SYTL2: variants seen among roughly 807,000 people sequenced by gnomAD.
The protein encoded by SYTL2 is synaptotagmin-like protein 2.
Under a neutral mutation model 198.7 loss-of-function variants are expected in SYTL2, and 165 were observed. The ratio of observed to expected loss-of-function variants is 0.83; its 90% CI spans 0.73 to 0.94. The LOEUF (loss-of-function observed/expected upper bound fraction) is 0.94, where lower values mean the gene tolerates loss of function less well. Among genes scored for constraint, SYTL2 ranks in the 40% least tolerant of loss-of-function variants. SYTL2 has a pLI of 0.00. For missense variants in SYTL2, 2,835 were observed against 2,582.8 expected (o/e 1.10, Z -2.12); for synonymous variants, 966 against 917.7 (o/e 1.05, Z -0.95).
At chr11:85,775,633 C>T (rs1278785380) in intron 1 of SYTL2, among the ~76,000 whole-genome samples, 2 of 152,120 alleles carry the variant, frequency 1.3e-5, no homozygotes, top group African/African-American at 4.8e-5. Context: ...CATGCATGTG[C>T]GACCACGCCT....
At chr11:85,764,386 C>A (rs1268342363) in intron 1 of SYTL2, among the ~76,000 whole-genome samples, 1 of 152,144 alleles carries the variant, frequency 6.6e-6, no homozygotes, top group Non-Finnish European at 1.5e-5. Context: ...TCTCCACATC[C>A]CATGGAAGAG....
chr11:85,757,573 G>A (rs374959762), intron 2 of SYTL2, 52 bp downstream of exon 2: 17 of 1,594,880 alleles, frequency 1.1e-5, no homozygotes, highest in East Asian at 2.2e-5. Context: ...TCCTATTTTC[G>A]TACAGACTGC....
rs564475591 is a variant in SYTL2, at chr11:85,787,479, A to G, written c.-390+23475T>C. 6.3e-4 allele frequency among the ~76,000 whole-genome samples: 96 copies of G among 152,274 alleles called. 1 individual carries two copies. Among genetic ancestry groups the G allele is most frequent in the African/African-American group, 2.3e-3 (94 of 41,556 alleles). On this transcript the variant is annotated intron_variant, in intron 1 of 19. Transcript: ENST00000359152. ...TTCCTCTAAAGATCAAACTTTGCTT[A>G]CATTTCCAGTGGCAAAGTAGTGTGG...
chr11:85,730,070 A>C (rs2089637788), intron 7 of SYTL2, among the ~76,000 whole-genome samples: 1 of 152,216 alleles, frequency 6.6e-6, no homozygotes, highest in South Asian at 2.1e-4. Flanking sequence ...GAATAGACCA[A>C]TAACAAGTTC....
In SYTL2 at chr11:85,725,512, G is replaced by A; in HGVS notation, c.3846C>T (p.Leu1282=). The A allele has an allele frequency of 1.2e-6, 2 of 1,614,028 alleles. No individual in the cohort carries two copies. The highest frequency in any genetic ancestry group is 1.7e-6 in the Non-Finnish European group (2 of 1,179,954). ...ACTCACCACTTTCAGCTTTCTTGAG[G>A]AGAGCTGTATTTCCAAAAGTTTCAT... The part of the protein sequence containing the change: ...VRDETFGNTA[L]LKKAESGECQ... Residue 1282 remains leucine (L), a synonymous_variant, in exon 8 of 20, where the codon CTC becomes CTT. Coordinates refer to ENST00000359152, the MANE Select transcript of SYTL2 (RefSeq NM_206927.4).
chr11:85,702,409 A>G (rs2084462414), intron 16 of SYTL2, among the ~76,000 whole-genome samples: 2 of 151,506 alleles, frequency 1.3e-5, no homozygotes, highest in African/African-American at 4.9e-5. Flanking sequence ...TCTCCATCCA[A>G]CTCCTGGACT....
intron 1 of SYTL2, among the ~76,000 whole-genome samples, chr11:85,765,470 C>T (rs1332278086): frequency 3.9e-5 from 6 of 152,202 alleles, no homozygotes; most frequent in African/African-American, 4.8e-5. Flanking sequence ...CTCCTGACCT[C>T]GTGATCTGCC....
chr11:85,733,784 A>G, intron 7 of SYTL2, 155 bp downstream of exon 7: 1 of 602,184 alleles, frequency 1.7e-6, no homozygotes. Context: ...TATTTTTAGT[A>G]GAGACGGGGT....
the SYTL2 span, among the ~76,000 whole-genome samples, chr11:85,822,015 A>G: frequency 1.3e-5 from 2 of 152,146 alleles, no homozygotes; most frequent in Admixed American, 1.3e-4. Context: ...GTGCTCAAAG[A>G]CTCATTTATC....
chr11:85,735,113 T>C (rs1382692793), intron 6 of SYTL2, among the ~76,000 whole-genome samples: 1 of 152,204 alleles, frequency 6.6e-6, no homozygotes, highest in East Asian at 1.9e-4. Context: ...ATGAGGAATG[T>C]TGATAATGAG....
chr11:85,789,349 T>TAG (rs2092690316), intron 1 of SYTL2, among the ~76,000 whole-genome samples: 1 of 29,960 alleles, frequency 3.3e-5, no homozygotes, highest in Admixed American at 3.7e-4. Flanking sequence ...TGTATATATA[T>TAG]ATATATATAT....
At chr11:85,813,246 T>C (rs953337761), upstream of SYTL2, among the ~76,000 whole-genome samples, 2 of 152,178 alleles carry the variant, frequency 1.3e-5, no homozygotes, top group Non-Finnish European at 2.9e-5. Flanking sequence ...CAAATGCTGT[T>C]AGAAATGTCA....
intron 2 of SYTL2, among the ~76,000 whole-genome samples, chr11:85,754,260 C>T (rs2091725454): frequency 6.6e-6 from 1 of 152,086 alleles, no homozygotes; most frequent in Non-Finnish European, 1.5e-5. Context: ...AGAGCTGGGG[C>T]CATGTTTTCA....
intron 1 of SYTL2, among the ~76,000 whole-genome samples, chr11:85,806,969 A>C (rs1216836937): frequency 1.3e-5 from 2 of 152,244 alleles, no homozygotes; most frequent in African/African-American, 2.4e-5. Flanking sequence ...GTTTCCTCAG[A>C]GCATCCAGGA....
chr11:85,767,136 A>C (rs1247712039), intron 1 of SYTL2, among the ~76,000 whole-genome samples: 1 of 152,244 alleles, frequency 6.6e-6, no homozygotes, highest in South Asian at 2.1e-4. Context: ...TTACAAGAGA[A>C]AACACATGAA....
At chr11:85,730,287 C>G (rs1220914716) in intron 7 of SYTL2, among the ~76,000 whole-genome samples, 1 of 152,114 alleles carries the variant, frequency 6.6e-6, no homozygotes, top group Non-Finnish European at 1.5e-5. Flanking sequence ...AGAGACAACA[C>G]AAGAAAAGAA....
the SYTL2 span, among the ~76,000 whole-genome samples, chr11:85,818,656 A>ACTATTTATCTATCTATCTAT: frequency 5.8e-3 from 869 of 149,104 alleles, 8 homozygotes; most frequent in Middle Eastern, 0.02. Flanking sequence ...TGTATAAATT[A>ACTATTTATCTATCTATCTAT]CTATCTATCT....
Position 85,714,433 on chromosome 11 carries a change from G to T in SYTL2, c.5605C>A (p.Pro1869Thr). ...CTTGCCTCATCTTGGAGAAATGCTGGAACAGACTTGCTCATCCTTTTGAGT... is the reference window on the plus strand; with the variant it reads ...CTTGCCTCATCTTGGAGAAATGCTGTAACAGACTTGCTCATCCTTTTGAGT... ...DKLKRMSKSV[P>T]AFLQDESDDR... Residue 1869 changes from proline (P) to threonine (T), a missense_variant, in exon 12 of 20, where the codon CCA becomes ACA. Coordinates refer to ENST00000359152, the MANE Select transcript of SYTL2 (RefSeq NM_206927.4). The T allele has an allele frequency of 6.2e-7, 1 of 1,613,492 alleles. No individual in the cohort carries two copies. Among genetic ancestry groups the T allele is most frequent in the Non-Finnish European group, 8.5e-7 (1 of 1,179,520 alleles).
At chr11:85,781,346 T>C (rs1008572713) in intron 1 of SYTL2, among the ~76,000 whole-genome samples, 5 of 152,030 alleles carry the variant, frequency 3.3e-5, no homozygotes, top group African/African-American at 1.2e-4. Context: ...CATGATTCAA[T>C]TACCTCCCAC....
Sources: allele counts gnomAD v4.1 joint callset (sites outside exome capture counted in the v4.1 genomes callset), GRCh38; gene constraint gnomAD v4.1.1; transcripts MANE v1.5; gene names NCBI Gene and HGNC (gene_info 2026-07-23, HGNC 2026-07-21).